PUS7L: variants seen among roughly 807,000 people sequenced by gnomAD.
The protein encoded by PUS7L is pseudouridine synthase 7 like, also known as pseudouridylate synthase PUS7L.
Under a neutral mutation model 51.1 loss-of-function variants are expected in PUS7L, and 49 were observed. The observed-to-expected ratio is 0.96, with a 90% confidence interval of 0.76 to 1.22. The LOEUF is 1.22. Among genes scored for constraint, PUS7L ranks in the 50% most tolerant of loss-of-function variants. The pLI is 0.00. For synonymous variants in PUS7L, 277 were observed against 276.2 expected (o/e 1.00, Z -0.03); for missense variants, 828 against 820.6 (o/e 1.01, Z -0.11).
chr12:43,744,449 C>A (rs1023028925), intron 4 of PUS7L, among the ~76,000 whole-genome samples: 1 of 152,188 alleles, frequency 6.6e-6, no homozygotes, highest in African/African-American at 2.4e-5. Flanking sequence ...TTCATTCTCT[C>A]TCCTGTCACC....
At chr12:43,735,615 G>A (rs1042670088) in intron 7 of PUS7L, among the ~76,000 whole-genome samples, 6 of 150,830 alleles carry the variant, frequency 4.0e-5, no homozygotes, top group African/African-American at 1.2e-4. Flanking sequence ...TTCTTTTCTC[G>A]GTGTTAACTA....
At position 43,726,377 on chromosome 12, in the gene PUS7L, C is replaced by T. The variant is rs1344745702; in HGVS notation, c.*3999G>A. On this transcript the variant is annotated 3_prime_UTR_variant, in exon 9 of 9. Coordinates refer to ENST00000344862, the MANE Select transcript of PUS7L (RefSeq NM_031292.5). ...TTGAAACTGGACCCCTTCTTTTTACCATATACAAAAATCAACTCAAGATGG... is the reference window on the plus strand; with the variant it reads ...TTGAAACTGGACCCCTTCTTTTTACTATATACAAAAATCAACTCAAGATGG... 1 of 152,134 alleles carries T rather than the reference C, an allele frequency of 6.6e-6. No homozygotes were observed. Among genetic ancestry groups the T allele is most frequent in the Non-Finnish European group, 1.5e-5 (1 of 68,024 alleles). 9.4% of individuals were successfully genotyped at this position (152,134 alleles called of 1,614,324 possible). A position where few individuals can be genotyped will look rare whatever the true frequency, so the allele number is the denominator to read the frequency against.
chr12:43,738,414 C>T, intron 5 of PUS7L, 23 bp from the exon 6 acceptor site: 1 of 1,267,802 alleles, frequency 7.9e-7, no homozygotes, highest in Non-Finnish European at 1.1e-6. Context: ...AGCAGGTAAA[C>T]ATGTGTTAAT....
At chr12:43,734,285 C>G (rs1307893471) in intron 7 of PUS7L, among the ~76,000 whole-genome samples, 1 of 152,026 alleles carries the variant, frequency 6.6e-6, no homozygotes, top group African/African-American at 2.4e-5. Flanking sequence ...AGAAATAAGC[C>G]TAGAGTCGTT....
chr12:43,743,406 G>A (rs190164832), intron 4 of PUS7L, among the ~76,000 whole-genome samples: 1 of 152,292 alleles, frequency 6.6e-6, no homozygotes, highest in Non-Finnish European at 1.5e-5. Context: ...AATAAAAGAT[G>A]CGGAGCCAAT....
At chr12:43,743,384 CAAGAACT>C (rs1937999007) in intron 4 of PUS7L, among the ~76,000 whole-genome samples, 1 of 152,186 alleles carries the variant, frequency 6.6e-6, no homozygotes, top group African/African-American at 2.4e-5. Context: ...AATACCAACT[CAAGAACT>C]TTTTAATAAA....
intron 1 of PUS7L, among the ~76,000 whole-genome samples, chr12:43,757,144 T>C (rs145160202): frequency 6.6e-6 from 1 of 152,342 alleles, no homozygotes; most frequent in East Asian, 1.9e-4. Flanking sequence ...AAGTTTTTCC[T>C]GACCAATAAT....
At chr12:43,739,555 T>C (rs1252692770) in intron 5 of PUS7L, 1 of 152,372 alleles carries the variant, frequency 6.6e-6, no homozygotes, top group Non-Finnish European at 1.5e-5. Context: ...TGCCTCAGCC[T>C]CCTGAGTAGC....
intron 8 of PUS7L, among the ~76,000 whole-genome samples, chr12:43,730,977 A>C (rs1447805955): frequency 2.0e-5 from 3 of 152,238 alleles, no homozygotes; most frequent in Non-Finnish European, 4.4e-5. Flanking sequence ...AAGTTTAGGT[A>C]CACTTAATTA....
At position 43,758,723 on chromosome 12, in the gene PUS7L, C is replaced by G. The variant is rs1024336265; in HGVS notation, c.-17+7G>C. 1.0e-6 allele frequency: 1 copy of G among 982,256 alleles called. No individual in the cohort carries two copies. Among genetic ancestry groups the G allele is most frequent in the East Asian group, 1.2e-4 (1 of 8,534 alleles). The allele number at this position is 982,256 out of a possible 1,614,324, so 60.8% of individuals were successfully genotyped here. On this transcript the variant is annotated splice_region_variant and intron_variant, in intron 1 of 8. Coordinates refer to ENST00000344862, the MANE Select transcript of PUS7L (RefSeq NM_031292.5). ...CACCATCGCGCAAGAAACTCGACCC[C>G]GTCTACCTCGGTTCAGTGGAAGGCA...
intron 4 of PUS7L, among the ~76,000 whole-genome samples, chr12:43,743,939 T>C (rs1373679979): frequency 1.3e-5 from 2 of 152,194 alleles, no homozygotes; most frequent in Admixed American, 6.5e-5. Context: ...ATAACAGAGA[T>C]ATAACCCCTT....
In PUS7L at chr12:43,723,416, G is replaced by A. The variant is rs1944419796; in HGVS notation, c.*6960C>T. The A allele has an allele frequency of 6.6e-6, 1 of 152,088 alleles. No homozygotes were observed. The highest frequency in any genetic ancestry group is 1.5e-5 in the Non-Finnish European group (1 of 67,944). 9.4% of individuals were successfully genotyped at this position (152,088 alleles called of 1,614,324 possible). ...TTAAGAGGAGATCTCAAGATGCTTA[G>A]AAATGCTAAATAAGTATCATTTAAG... On this transcript the variant is annotated 3_prime_UTR_variant, in exon 9 of 9. Coordinates refer to ENST00000344862, the MANE Select transcript of PUS7L (RefSeq NM_031292.5).
chr12:43,745,856 C>T (rs1446880723), intron 4 of PUS7L, among the ~76,000 whole-genome samples, 190 bp downstream of exon 4: 1 of 151,804 alleles, frequency 6.6e-6, no homozygotes, highest in East Asian at 1.9e-4. Flanking sequence ...TGTTTAAATA[C>T]AAAAATGTAT....
chr12:43,758,434 G>A lies in PUS7L; in HGVS notation c.-17+296C>T, dbSNP rs960458871. On this transcript the variant is annotated intron_variant, in intron 1 of 8. Coordinates refer to ENST00000344862, the MANE Select transcript of PUS7L (RefSeq NM_031292.5). ...TTGGCGGAGGAGGGATCCTGAGAAG[G>A]TACTAGAAATACTGAACCCAGTCCT... 297 of 985,392 alleles carry A rather than the reference G, an allele frequency of 3.0e-4. 1 individual carries two copies. Among genetic ancestry groups the A allele is most frequent in the Non-Finnish European group, 3.4e-4 (283 of 830,052 alleles). The allele number at this position is 985,392 out of a possible 1,614,324, so 61.0% of individuals were successfully genotyped here.
chr12:43,753,474 C>A (rs1938551088), intron 2 of PUS7L, among the ~76,000 whole-genome samples: 1 of 152,166 alleles, frequency 6.6e-6, no homozygotes, highest in Non-Finnish European at 1.5e-5. Flanking sequence ...CACCTGTAGT[C>A]CCTACATGGC....
chr12:43,746,180 A>G lies in PUS7L; in HGVS notation c.1129T>C (p.Ser377Pro). ...CCAAGTCTCAGGGAATCATCTACAG[A>G]CCGAATATTAAAGACATTCATTCTT... ...KKRMNVFNIR[S>P]VDDSLRLGQL... Residue 377 changes from serine (S) to proline (P), a missense_variant, in exon 4 of 9, where the codon TCT becomes CCT. Coordinates refer to ENST00000344862, the MANE Select transcript of PUS7L (RefSeq NM_031292.5). 1 of 1,515,974 alleles carries G rather than the reference A, an allele frequency of 6.6e-7. No individual in the cohort carries two copies. The highest frequency in any genetic ancestry group is 9.1e-7 in the Non-Finnish European group (1 of 1,102,052). 93.9% of individuals were successfully genotyped at this position (1,515,974 alleles called of 1,614,324 possible).
chr12:43,758,617 G>GGC (rs140483505), intron 1 of PUS7L, 113 bp downstream of exon 1: 61,194 of 971,510 alleles, frequency 0.063, 2,067 homozygotes, highest in Middle Eastern at 0.08. Flanking sequence ...CCTTTCTTTG[G>GGC]GCGCAAAGGG....
chr12:43,742,647 T>C (rs1215285998), intron 4 of PUS7L, 92 bp from the exon 5 acceptor site: 16 of 1,438,544 alleles, frequency 1.1e-5, no homozygotes, highest in Non-Finnish European at 1.5e-5. Context: ...ATAATTATTT[T>C]AACAGAATAA....
At chr12:43,734,555 T>C (rs1371416006) in intron 7 of PUS7L, among the ~76,000 whole-genome samples, 8 of 152,194 alleles carry the variant, frequency 5.3e-5, no homozygotes, top group African/African-American at 7.2e-5. Flanking sequence ...CTGACATTAA[T>C]TTAGATAAAG....
Sources: allele counts gnomAD v4.1 joint callset (sites outside exome capture counted in the v4.1 genomes callset), GRCh38; gene constraint gnomAD v4.1.1; transcripts MANE v1.5; gene names NCBI Gene and HGNC (gene_info 2026-07-23, HGNC 2026-07-21).